Variants in DSCAM observed in about 807,000 individuals in gnomAD.
DSCAM encodes the protein cell adhesion molecule DSCAM.
In DSCAM, 47 loss-of-function variants were observed where a neutral mutation model predicts 217.7. That is an observed-to-expected ratio of 0.22 (90% CI 0.17 to 0.28). The LOEUF (loss-of-function observed/expected upper bound fraction) is 0.28, where lower values mean the gene tolerates loss of function less well. Ranked by LOEUF, DSCAM falls within the 10% of genes least tolerant of loss-of-function variation. The pLI, the probability that DSCAM is intolerant of heterozygous loss-of-function variation, is 1.00. For missense variants in DSCAM, 2,080 were observed against 2,618.3 expected (o/e 0.79, Z 4.49); for synonymous variants, 1,056 against 1,015.3 (o/e 1.04, Z -0.76).
At chr21:40,604,342 T>C (rs1192722608) in intron 3 of DSCAM, among the ~76,000 whole-genome samples, 1 of 152,222 alleles carries the variant, frequency 6.6e-6, no homozygotes, top group Non-Finnish European at 1.5e-5. Flanking sequence ...TTGCTTGTCA[T>C]CTACTTTTCC....
chr21:40,683,821 G>A (rs903270282), intron 3 of DSCAM, among the ~76,000 whole-genome samples: 1 of 152,182 alleles, frequency 6.6e-6, no homozygotes, highest in Admixed American at 6.5e-5. Context: ...AGGTGCAGCA[G>A]AGTTGAGAAT....
At chr21:40,039,753 G>GTAAC (rs2088709166) in intron 32 of DSCAM, among the ~76,000 whole-genome samples, 1 of 152,164 alleles carries the variant, frequency 6.6e-6, no homozygotes, top group African/African-American at 2.4e-5. Flanking sequence ...CCAAATTCAT[G>GTAAC]TAACTTGATG....
At chr21:40,511,825 A>G (rs898071442) in intron 3 of DSCAM, among the ~76,000 whole-genome samples, 2 of 151,776 alleles carry the variant, frequency 1.3e-5, no homozygotes, top group Non-Finnish European at 2.9e-5. Context: ...CCCCGTCTCT[A>G]TTAAAAATAC....
At chr21:40,619,839 T>TAAAAAAAA (rs1234717873) in intron 3 of DSCAM, among the ~76,000 whole-genome samples, 1 of 120,374 alleles carries the variant, frequency 8.3e-6, no homozygotes. Context: ...TTTAAGCATG[T>TAAAAAAAA]AAAGAAAAAA....
chr21:40,778,690 C>T (rs2091511562), intron 1 of DSCAM, among the ~76,000 whole-genome samples: 1 of 151,834 alleles, frequency 6.6e-6, no homozygotes, highest in Non-Finnish European at 1.5e-5. Context: ...AAATAGAAGT[C>T]AAAAGTAAGG....
chr21:40,845,316 T>C (rs2092135131), intron 1 of DSCAM, among the ~76,000 whole-genome samples: 1 of 152,216 alleles, frequency 6.6e-6, no homozygotes, highest in Non-Finnish European at 1.5e-5. Flanking sequence ...TAGTCACCGT[T>C]TTTTTAAAAA....
At chr21:40,434,921 T>C (rs940926102) in intron 3 of DSCAM, among the ~76,000 whole-genome samples, 4 of 152,168 alleles carry the variant, frequency 2.6e-5, no homozygotes, top group African/African-American at 9.7e-5. Context: ...GCCTTGTTTG[T>C]TGAGTGGGAC....
At chr21:40,283,761 T>C (rs890251786) in intron 10 of DSCAM, among the ~76,000 whole-genome samples, 2 of 152,176 alleles carry the variant, frequency 1.3e-5, no homozygotes, top group East Asian at 1.9e-4. Context: ...ACATATGATG[T>C]AGGATTGTTG....
At chr21:40,473,430 C>T (rs2075905934) in intron 3 of DSCAM, among the ~76,000 whole-genome samples, 1 of 152,214 alleles carries the variant, frequency 6.6e-6, no homozygotes, top group Non-Finnish European at 1.5e-5. Context: ...TAACGGCCAA[C>T]CTAATGGCTG....
intron 15 of DSCAM, among the ~76,000 whole-genome samples, chr21:40,173,325 A>T (rs1430058661): frequency 6.6e-6 from 1 of 152,210 alleles, no homozygotes; most frequent in Non-Finnish European, 1.5e-5. Flanking sequence ...TGAAAGTGGT[A>T]AGGGAAGAGA....
At chr21:40,404,357 A>G (rs530440706) in intron 3 of DSCAM, among the ~76,000 whole-genome samples, 14 of 152,214 alleles carry the variant, frequency 9.2e-5, no homozygotes, top group Non-Finnish European at 1.9e-4. Flanking sequence ...AAGATTTTAG[A>G]GGAATTTTGG....
At chr21:40,102,718 G>A (rs1364480723) in intron 20 of DSCAM, among the ~76,000 whole-genome samples, 2 of 152,186 alleles carry the variant, frequency 1.3e-5, no homozygotes, top group African/African-American at 4.8e-5. Flanking sequence ...AAAACTAGAC[G>A]TTTACCCAAT....
At chr21:40,272,022 A>G (rs1413003681) in intron 11 of DSCAM, among the ~76,000 whole-genome samples, 1 of 152,102 alleles carries the variant, frequency 6.6e-6, no homozygotes, top group Non-Finnish European at 1.5e-5. Context: ...TGGCAAATAA[A>G]TATCCTAAAA....
intron 3 of DSCAM, among the ~76,000 whole-genome samples, chr21:40,377,786 T>C (rs1033061767): frequency 6.6e-6 from 1 of 152,034 alleles, no homozygotes; most frequent in African/African-American, 2.4e-5. Context: ...CACAAGCCAG[T>C]GTGGCGCTAA....
intron 3 of DSCAM, among the ~76,000 whole-genome samples, chr21:40,679,373 A>T (rs2090375179): frequency 6.6e-6 from 1 of 152,246 alleles, no homozygotes; most frequent in Non-Finnish European, 1.5e-5. Context: ...AAACTGAAAG[A>T]AAGTTTAAGA....
Position 40,447,689 on chromosome 21 carries a change from T to C in DSCAM, c.509-78444A>G, listed in dbSNP as rs144447505. 2.0e-3 allele frequency among the ~76,000 whole-genome samples: 310 copies of C among 152,368 alleles called. 1 individual carries two copies. The highest frequency in any genetic ancestry group is 3.5e-3 in the Non-Finnish European group (235 of 68,034). On this transcript the variant is annotated intron_variant, in intron 3 of 32. Coordinates refer to ENST00000400454, the MANE Select transcript of DSCAM (RefSeq NM_001389.5). ...GTGGTTATGGCAACTCTGAATACAA[T>C]ACATTTGTACTTTCAGCAACAATAA... is the stretch of plus-strand genomic sequence containing the variant.
At chr21:40,422,677 A>AT (rs201066189) in intron 3 of DSCAM, among the ~76,000 whole-genome samples, 1 of 150,806 alleles carries the variant, frequency 6.6e-6, no homozygotes, top group African/African-American at 2.5e-5. Flanking sequence ...TGTAAAGTCT[A>AT]TTTTTTAAAA....
At chr21:40,426,239 T>C (rs1955368534) in intron 3 of DSCAM, among the ~76,000 whole-genome samples, 1 of 152,236 alleles carries the variant, frequency 6.6e-6, no homozygotes, top group African/African-American at 2.4e-5. Context: ...GCTGTCACAG[T>C]TAACAGAAGC....
At position 40,295,663 on chromosome 21, in the gene DSCAM, G is replaced by A. The variant is rs372477213; in HGVS notation, c.2182+392C>T. On this transcript the variant is annotated intron_variant, in intron 10 of 32. Transcript: ENST00000400454. Reference sequence around the variant, plus strand: ...AACCCACTCATCTCTCTAAATACTGGGGAAATAGTTTTCCAGCTATGAGTA... The same window carrying A: ...AACCCACTCATCTCTCTAAATACTGAGGAAATAGTTTTCCAGCTATGAGTA... 2.0e-4 allele frequency among the ~76,000 whole-genome samples: 30 copies of A among 152,240 alleles called. No individual in the cohort carries two copies. In the South Asian group the frequency reaches 5.8e-3, roughly 30 times the overall value.
Sources: allele counts gnomAD v4.1 joint callset (sites outside exome capture counted in the v4.1 genomes callset), GRCh38; gene constraint gnomAD v4.1.1; transcripts MANE v1.5; gene names NCBI Gene and HGNC (gene_info 2026-07-23, HGNC 2026-07-21).